Variants in ZCCHC7 observed in about 807,000 individuals in gnomAD.
ZCCHC7 encodes zinc finger CCHC domain-containing protein 7.
ZCCHC7 carries 35 observed loss-of-function variants against 52.0 expected under a neutral mutation model. The ratio of observed to expected loss-of-function variants is 0.67; its 90% CI spans 0.51 to 0.89. ZCCHC7 has a LOEUF of 0.89. Among genes scored for constraint, ZCCHC7 ranks in the 40% least tolerant of loss-of-function variants. The pLI, the probability that ZCCHC7 is intolerant of heterozygous loss-of-function variation, is 0.00. For synonymous variants in ZCCHC7, 217 were observed against 221.5 expected, an observed-to-expected ratio of 0.98 and a Z score of 0.18; for missense variants, 574 against 649.1, an observed-to-expected ratio of 0.88 and a Z score of 1.26.
intron 2 of ZCCHC7, among the ~76,000 whole-genome samples, chr9:37,256,670 TCG>T (rs1252881490): frequency 1.3e-5 from 2 of 152,172 alleles, no homozygotes; most frequent in Non-Finnish European, 2.9e-5. Flanking sequence ...AAAATAAAAC[TCG>T]GTGAACCAGT....
At chr9:37,209,236 T>G (rs1024021974) in intron 2 of ZCCHC7, among the ~76,000 whole-genome samples, 1 of 152,090 alleles carries the variant, frequency 6.6e-6, no homozygotes, top group African/African-American at 2.4e-5. Context: ...GAGACGGGGT[T>G]TCACCGTGTT....
At chr9:37,145,258 C>A (rs1480528780) in intron 2 of ZCCHC7, among the ~76,000 whole-genome samples, 12 of 151,682 alleles carry the variant, frequency 7.9e-5, no homozygotes. Flanking sequence ...AAAAAAGGGA[C>A]CATGTTGAAA....
At chr9:37,261,830 C>G (rs1242183553) in intron 2 of ZCCHC7, among the ~76,000 whole-genome samples, 1 of 151,958 alleles carries the variant, frequency 6.6e-6, no homozygotes. Context: ...ATCTAAGCAG[C>G]AAGTAATATA....
intron 2 of ZCCHC7, among the ~76,000 whole-genome samples, chr9:37,164,508 AG>A (rs1564151843): frequency 2.7e-5 from 4 of 148,728 alleles, no homozygotes; most frequent in African/African-American, 1.0e-4. Context: ...TAGACAGACA[AG>A]ATAGATAGAC....
chr9:37,129,123 T>C (rs1404536585), intron 2 of ZCCHC7, among the ~76,000 whole-genome samples: 2 of 152,248 alleles, frequency 1.3e-5, no homozygotes, highest in Non-Finnish European at 2.9e-5. Context: ...AAAAAGCTTA[T>C]TATCTTTCCT....
At chr9:37,310,209 C>G (rs1829527598) in intron 5 of ZCCHC7, among the ~76,000 whole-genome samples, 1 of 152,182 alleles carries the variant, frequency 6.6e-6, no homozygotes, top group South Asian at 2.1e-4. Context: ...TAAAGTCAAC[C>G]TGCATCATTA....
At chr9:37,270,697 G>C (rs908294644) in intron 2 of ZCCHC7, among the ~76,000 whole-genome samples, 1 of 140,610 alleles carries the variant, frequency 7.1e-6, no homozygotes, top group Non-Finnish European at 1.6e-5. Flanking sequence ...AAAAAAAAAA[G>C]AAAAGAAAAA....
At chr9:37,159,707 A>C (rs1820992350) in intron 2 of ZCCHC7, among the ~76,000 whole-genome samples, 1 of 152,200 alleles carries the variant, frequency 6.6e-6, no homozygotes, top group Non-Finnish European at 1.5e-5. Context: ...TTGAAGCTAC[A>C]ACAGTGTAGG....
intron 2 of ZCCHC7, among the ~76,000 whole-genome samples, chr9:37,264,115 G>C (rs1826988995): frequency 6.6e-6 from 1 of 152,142 alleles, no homozygotes; most frequent in Non-Finnish European, 1.5e-5. Flanking sequence ...TTCAAGACCT[G>C]ATTTTGAATC....
At chr9:37,306,356 A>G (rs1218349490) in intron 5 of ZCCHC7, among the ~76,000 whole-genome samples, 1 of 152,168 alleles carries the variant, frequency 6.6e-6, no homozygotes, top group African/African-American at 2.4e-5. Flanking sequence ...GGCGTGAGCC[A>G]CTGCACCTGG....
At chr9:37,306,190 C>T (rs1009208150) in intron 5 of ZCCHC7, among the ~76,000 whole-genome samples, 3 of 151,858 alleles carry the variant, frequency 2.0e-5, no homozygotes, top group African/African-American at 4.8e-5. Flanking sequence ...GCCTCAGCCT[C>T]CCGAGTAGCT....
At chr9:37,232,092 A>G (rs757993164) in intron 2 of ZCCHC7, among the ~76,000 whole-genome samples, 2 of 152,190 alleles carry the variant, frequency 1.3e-5, no homozygotes, top group Non-Finnish European at 2.9e-5. Context: ...TTCTTAAATT[A>G]TTTAAAGGAG....
At chr9:37,341,032 G>T (rs1405004855) in intron 6 of ZCCHC7, among the ~76,000 whole-genome samples, 1 of 151,972 alleles carries the variant, frequency 6.6e-6, no homozygotes, top group African/African-American at 2.4e-5. Flanking sequence ...TTCTTTCAGG[G>T]GCTAAATTTG....
chr9:37,260,707 GT>G (rs2133443452), intron 2 of ZCCHC7, among the ~76,000 whole-genome samples: 1 of 152,310 alleles, frequency 6.6e-6, no homozygotes, highest in African/African-American at 2.4e-5. Flanking sequence ...AGACATGGTA[GT>G]TTTCATGCAG....
intron 2 of ZCCHC7, among the ~76,000 whole-genome samples, chr9:37,213,464 C>T (rs1043183285): frequency 6.6e-6 from 1 of 152,074 alleles, no homozygotes; most frequent in Non-Finnish European, 1.5e-5. Flanking sequence ...AGCAACAGAA[C>T]CCTTGTTAGT....
chr9:37,235,348 T>C (rs1825593489), intron 2 of ZCCHC7, among the ~76,000 whole-genome samples: 4 of 152,182 alleles, frequency 2.6e-5, no homozygotes, highest in Non-Finnish European at 4.4e-5. Context: ...GGAGAAATCA[T>C]GTGGTATTTG....
chr9:37,303,342 T>C (rs949213449), intron 3 of ZCCHC7, among the ~76,000 whole-genome samples: 12 of 151,706 alleles, frequency 7.9e-5, no homozygotes, highest in East Asian at 5.8e-4. Flanking sequence ...GGAGAATCGC[T>C]TGAACCCAGG....
chr9:37,125,034 C>A (rs917840272), intron 1 of ZCCHC7, among the ~76,000 whole-genome samples: 3 of 152,148 alleles, frequency 2.0e-5, no homozygotes, highest in African/African-American at 7.2e-5. Flanking sequence ...TTATTTTTAG[C>A]AGATATGTAG....
At chr9:37,121,826 A>G (rs1842327641) in intron 1 of ZCCHC7, among the ~76,000 whole-genome samples, 1 of 152,168 alleles carries the variant, frequency 6.6e-6, no homozygotes, top group Admixed American at 6.5e-5. Flanking sequence ...CCCCACTGAA[A>G]TACTGTGCTC....
Sources: allele counts gnomAD v4.1 joint callset (sites outside exome capture counted in the v4.1 genomes callset), GRCh38; gene constraint gnomAD v4.1.1; transcripts MANE v1.5; gene names NCBI Gene and HGNC (gene_info 2026-07-23, HGNC 2026-07-21).